RPS6KC1: variants seen among roughly 807,000 people sequenced by gnomAD.
The protein encoded by RPS6KC1 is ribosomal protein S6 kinase C1.
In RPS6KC1, 54 loss-of-function variants were observed where a neutral mutation model predicts 103.8. That is an observed-to-expected ratio of 0.52 (90% CI 0.42 to 0.65). The LOEUF is 0.65. Ranked by LOEUF, RPS6KC1 falls within the 30% of genes least tolerant of loss-of-function variation. The pLI is 0.00. For missense variants in RPS6KC1, 1,151 were observed against 1,253.8 expected, an observed-to-expected ratio of 0.92 and a Z score of 1.24; for synonymous variants, 439 against 438.7, an observed-to-expected ratio of 1.00 and a Z score of -0.01.
chr1:213,305,596 G>T, the RPS6KC1 span, among the ~76,000 whole-genome samples: 1 of 152,196 alleles, frequency 6.6e-6, no homozygotes, highest in Non-Finnish European at 1.5e-5. Context: ...TGGTGCCCAT[G>T]GCTGGGCAGG....
At chr1:213,189,672 T>C (rs1050814174) in intron 8 of RPS6KC1, among the ~76,000 whole-genome samples, 2 of 152,330 alleles carry the variant, frequency 1.3e-5, no homozygotes, top group Admixed American at 6.5e-5. Context: ...TATATTCTTT[T>C]AGTTATTTAA....
chr1:213,553,044 G>T, the RPS6KC1 span, among the ~76,000 whole-genome samples: 1 of 151,704 alleles, frequency 6.6e-6, no homozygotes, highest in Middle Eastern at 3.4e-3. Context: ...GGGTACATGT[G>T]CATGTTTGTT....
the RPS6KC1 span, among the ~76,000 whole-genome samples, chr1:213,588,857 C>G: frequency 6.6e-6 from 1 of 152,312 alleles, no homozygotes; most frequent in South Asian, 2.1e-4. Flanking sequence ...CACTAGCGCT[C>G]TCACTGGAAT....
At chr1:213,205,063 G>C (rs760947784) in intron 8 of RPS6KC1, among the ~76,000 whole-genome samples, 9 of 152,144 alleles carry the variant, frequency 5.9e-5, no homozygotes, top group Non-Finnish European at 1.2e-4. Context: ...CTCCCAGGCT[G>C]CTTATGGTAT....
intron 5 of RPS6KC1, 138 bp downstream of exon 5, chr1:213,117,548 A>C (rs2083805982): frequency 1.9e-6 from 1 of 526,548 alleles, no homozygotes; most frequent in Non-Finnish European, 3.3e-6. Context: ...TTTTCTTTAC[A>C]TTTTATTATC....
At chr1:213,595,454 C>T in the RPS6KC1 span, among the ~76,000 whole-genome samples, 417 of 152,324 alleles carry the variant, frequency 2.7e-3, 2 homozygotes, top group South Asian at 4.6e-3. Flanking sequence ...TTGTCCATTT[C>T]TTCTCATTGT....
intron 6 of RPS6KC1, among the ~76,000 whole-genome samples, chr1:213,154,680 G>A (rs988562046): frequency 3.3e-5 from 5 of 152,234 alleles, no homozygotes; most frequent in Non-Finnish European, 7.3e-5. Context: ...GGCAGGTCCG[G>A]AAATGCTGTT....
At chr1:213,355,859 T>G in the RPS6KC1 span, among the ~76,000 whole-genome samples, 3 of 152,230 alleles carry the variant, frequency 2.0e-5, no homozygotes, top group Non-Finnish European at 2.9e-5. Flanking sequence ...GCTGTCTGGG[T>G]CTATTCATGA....
chr1:213,844,680 C>T, the RPS6KC1 span, among the ~76,000 whole-genome samples: 1 of 152,076 alleles, frequency 6.6e-6, no homozygotes, highest in African/African-American at 2.4e-5. Flanking sequence ...AAATCACAGG[C>T]ATTTTTTATG....
At chr1:213,601,785 A>G in the RPS6KC1 span, among the ~76,000 whole-genome samples, 2 of 152,016 alleles carry the variant, frequency 1.3e-5, no homozygotes, top group Non-Finnish European at 2.9e-5. Flanking sequence ...TTAATGCTAT[A>G]TTGAGTTTCT....
chr1:213,176,709 C>T (rs2091897484), intron 8 of RPS6KC1: 2 of 339,384 alleles, frequency 5.9e-6, no homozygotes, highest in East Asian at 8.6e-5. Flanking sequence ...GGAGAAGGCG[C>T]ATATTTGTTG....
the RPS6KC1 span, among the ~76,000 whole-genome samples, chr1:213,706,860 C>T: frequency 6.6e-6 from 1 of 152,088 alleles, no homozygotes; most frequent in Non-Finnish European, 1.5e-5. Context: ...CATCCATGTC[C>T]CTGCAAAGGA....
the RPS6KC1 span, among the ~76,000 whole-genome samples, chr1:213,324,593 C>CATTTT: frequency 6.1e-5 from 5 of 81,822 alleles, no homozygotes; most frequent in African/African-American, 2.0e-4. Context: ...GCTCGATATG[C>CATTTT]TTTTTTTTTT....
the RPS6KC1 span, among the ~76,000 whole-genome samples, chr1:213,709,705 A>G: frequency 6.6e-6 from 1 of 152,132 alleles, no homozygotes; most frequent in East Asian, 1.9e-4. Flanking sequence ...TCCCACAGAT[A>G]TTGGTACATT....
chr1:213,627,444 A>T, the RPS6KC1 span, among the ~76,000 whole-genome samples: 121 of 152,174 alleles, frequency 8.0e-4, 3 homozygotes, highest in South Asian at 0.02. Context: ...CCCTGGCCAG[A>T]ACTTCCAACA....
chr1:213,755,401 C>T, the RPS6KC1 span, among the ~76,000 whole-genome samples: 1 of 152,234 alleles, frequency 6.6e-6, no homozygotes, highest in Non-Finnish European at 1.5e-5. Flanking sequence ...TCCACCATGT[C>T]CTGCCTCCCA....
the RPS6KC1 span, among the ~76,000 whole-genome samples, chr1:213,559,052 T>C: frequency 6.6e-6 from 1 of 152,232 alleles, no homozygotes; most frequent in Admixed American, 6.5e-5. Context: ...AGCACATATC[T>C]TCAAGCCCTG....
intron 6 of RPS6KC1, among the ~76,000 whole-genome samples, chr1:213,151,958 C>T (rs1214014477): frequency 2.4e-5 from 3 of 124,406 alleles, no homozygotes; most frequent in East Asian, 5.3e-4. Flanking sequence ...CCGGATGGGG[C>T]GGCTGGCCGG....
At chr1:213,774,096 G>A in the RPS6KC1 span, among the ~76,000 whole-genome samples, 1 of 152,142 alleles carries the variant, frequency 6.6e-6, no homozygotes, top group Non-Finnish European at 1.5e-5. Context: ...AACCTCTTGG[G>A]CTTCTAATCC....
Sources: gnomAD v4.1 joint callset for allele counts (sites outside exome capture counted in the v4.1 genomes callset) on GRCh38, gnomAD v4.1.1 for gene constraint, MANE v1.5 for transcripts, NCBI Gene and HGNC (gene_info 2026-07-23, HGNC 2026-07-21) for gene names.